Variants in PACSIN2 observed in about 807,000 individuals in gnomAD.
PACSIN2 encodes protein kinase C and casein kinase substrate in neurons 2.
A neutral mutation model predicts 63.8 loss-of-function variants in PACSIN2; 25 were observed. The observed-to-expected ratio is 0.39, with a 90% CI of 0.29 to 0.55. The LOEUF is 0.55. PACSIN2 is among the 20% of genes least tolerant of loss of function. The pLI is 0.62. For missense variants in PACSIN2, 518 were observed against 646.9 expected (o/e 0.80, Z 2.16); for synonymous variants, 255 against 256.2 (o/e 1.00, Z 0.05).
chr22:42,882,399 G>T, intron 6 of PACSIN2, 95 bp from the exon 7 acceptor site: 1 of 1,403,882 alleles, frequency 7.1e-7, no homozygotes, highest in Non-Finnish European at 9.6e-7. Context: ...CGTGGTCTCT[G>T]CCCTCTGTGA....
Position 42,997,537 on chromosome 22 carries a change from G to A in PACSIN2, c.-78+17484C>T, listed in dbSNP as rs192291940. On this transcript the variant is annotated intron_variant, in intron 1 of 10. Transcript: ENST00000263246. ...GGCGCCACTGCACTCCAGCCTGGGC[G>A]ACAGCGAGACTCCGTCTCAAAAAAA... 4.4e-3 allele frequency among the ~76,000 whole-genome samples: 663 copies of A among 150,702 alleles called. 7 individuals carry two copies. Among genetic ancestry groups the A allele is most frequent in the African/African-American group, 0.016 (643 of 40,978 alleles).
chr22:42,872,626 T>C (rs1602157040), intron 10 of PACSIN2, among the ~76,000 whole-genome samples: 1 of 152,174 alleles, frequency 6.6e-6, no homozygotes, highest in African/African-American at 2.4e-5. Context: ...TGGGCTCAAA[T>C]CCCACAGCCA....
intron 1 of PACSIN2, among the ~76,000 whole-genome samples, chr22:42,941,080 TCTA>T (rs1933137561): frequency 6.6e-6 from 1 of 152,186 alleles, no homozygotes; most frequent in Non-Finnish European, 1.5e-5. Flanking sequence ...CAATCACTAA[TCTA>T]CTTTCTGTCT....
intron 1 of PACSIN2, among the ~76,000 whole-genome samples, chr22:42,981,820 A>G (rs112710631): frequency 5.5e-5 from 5 of 90,362 alleles, no homozygotes; most frequent in African/African-American, 1.7e-4. Flanking sequence ...TCCGGGAGGG[A>G]GGTGGGGGGT....
At chr22:43,000,948 C>T (rs2146917570) in intron 1 of PACSIN2, among the ~76,000 whole-genome samples, 1 of 152,260 alleles carries the variant, frequency 6.6e-6, no homozygotes, top group East Asian at 1.9e-4. Context: ...TCAGGCAAGG[C>T]CCAGCTCTGG....
chr22:42,904,914 A>G (rs1930963701), intron 2 of PACSIN2, among the ~76,000 whole-genome samples: 1 of 152,216 alleles, frequency 6.6e-6, no homozygotes, highest in Non-Finnish European at 1.5e-5. Flanking sequence ...TTTATCCACA[A>G]ATGTCTCCAT....
Position 42,888,659 on chromosome 22 carries a change from T to C in PACSIN2, c.593A>G (p.Lys198Arg). ...ACAGTTTACCTTAAGAACATCTTGC[T>C]TGCACTTTTCTATTTTGTCTTGCAA... ...KKLQDKIEKC[K>R]QDVLKTKEKY... The change falls in exon 5 of 11, where the codon AAG (lysine) becomes AGG (arginine). Residue 198 changes from lysine to arginine, a missense_variant. Coordinates refer to ENST00000263246, the MANE Select transcript of PACSIN2 (RefSeq NM_001184970.3). 1 of 1,614,260 alleles carries C rather than the reference T, an allele frequency of 6.2e-7. No individual in the cohort carries two copies. The highest frequency in any genetic ancestry group is 8.5e-7 in the Non-Finnish European group (1 of 1,180,022).
intron 1 of PACSIN2, among the ~76,000 whole-genome samples, chr22:42,918,773 T>C (rs974482778): frequency 3.9e-5 from 6 of 152,232 alleles, no homozygotes; most frequent in Non-Finnish European, 7.3e-5. Flanking sequence ...GGCTTCCACA[T>C]TGACCCTGAT....
chr22:43,008,814 T>A (rs1241430555), intron 1 of PACSIN2, among the ~76,000 whole-genome samples: 1 of 152,208 alleles, frequency 6.6e-6, no homozygotes. Flanking sequence ...AAGTGAGACA[T>A]TTGGAATTTT....
intron 1 of PACSIN2, among the ~76,000 whole-genome samples, chr22:42,980,557 C>T (rs953691904): frequency 1.5e-5 from 2 of 137,734 alleles, no homozygotes; most frequent in Non-Finnish European, 3.1e-5. Context: ...GACGGTACTG[C>T]TGCCATCTCG....
At chr22:42,979,810 C>A (rs1194204526) in intron 1 of PACSIN2, among the ~76,000 whole-genome samples, 3 of 152,152 alleles carry the variant, frequency 2.0e-5, no homozygotes, top group Non-Finnish European at 4.4e-5. Flanking sequence ...TAACGGATCC[C>A]CCTTGCATCC....
At chr22:42,983,154 T>C (rs1189647578) in intron 1 of PACSIN2, among the ~76,000 whole-genome samples, 1 of 151,582 alleles carries the variant, frequency 6.6e-6, no homozygotes, top group Non-Finnish European at 1.5e-5. Context: ...CCGTCTCTAC[T>C]GAAAATACAA....
intron 1 of PACSIN2, among the ~76,000 whole-genome samples, chr22:43,012,368 C>T (rs1924560184): frequency 2.0e-5 from 3 of 151,206 alleles, no homozygotes. Context: ...CCAGAAATGC[C>T]TGGCCATCAG....
intron 1 of PACSIN2, among the ~76,000 whole-genome samples, chr22:42,944,962 G>C (rs1202250457): frequency 1.3e-5 from 2 of 152,112 alleles, no homozygotes; most frequent in Non-Finnish European, 2.9e-5. Flanking sequence ...GCCAGGTGTG[G>C]TGGTACGCCC....
chr22:42,997,039 C>G (rs1474438267), intron 1 of PACSIN2, among the ~76,000 whole-genome samples: 2 of 152,164 alleles, frequency 1.3e-5, no homozygotes, highest in Non-Finnish European at 2.9e-5. Context: ...TAGAAGGGGG[C>G]TGGGAGGTTT....
At chr22:42,914,867 G>A (rs1286065268) in intron 1 of PACSIN2, among the ~76,000 whole-genome samples, 2 of 152,178 alleles carry the variant, frequency 1.3e-5, no homozygotes, top group Non-Finnish European at 2.9e-5. Flanking sequence ...TGACTGACTG[G>A]TGGTTGACTG....
At chr22:42,918,261 G>A (rs1051170779) in intron 1 of PACSIN2, among the ~76,000 whole-genome samples, 1 of 152,164 alleles carries the variant, frequency 6.6e-6, no homozygotes, top group African/African-American at 2.4e-5. Context: ...ACCATGCAGT[G>A]TTCAAAAGCT....
chr22:42,903,749 G>A (rs1348357031), intron 2 of PACSIN2, among the ~76,000 whole-genome samples: 1 of 152,156 alleles, frequency 6.6e-6, no homozygotes. Flanking sequence ...ATTCAGAATC[G>A]CCTTGAGTCT....
At chr22:42,881,522 G>A (rs898554523) in intron 7 of PACSIN2, among the ~76,000 whole-genome samples, 7 of 152,336 alleles carry the variant, frequency 4.6e-5, no homozygotes, top group South Asian at 2.1e-4. Flanking sequence ...CTGACGCCAC[G>A]TGCTTAAGCC....
Sources: allele counts gnomAD v4.1 joint callset (sites outside exome capture counted in the v4.1 genomes callset), GRCh38; gene constraint gnomAD v4.1.1; transcripts MANE v1.5; gene names NCBI Gene and HGNC (gene_info 2026-07-23, HGNC 2026-07-21).